USF3: variants seen among roughly 807,000 people sequenced by gnomAD.
USF3 encodes upstream transcription factor family member 3, also known as basic helix-loop-helix domain-containing protein USF3.
In USF3, 29 loss-of-function variants were observed where a neutral mutation model predicts 157.5. The ratio of observed to expected loss-of-function variants is 0.18; its 90% CI spans 0.14 to 0.25. USF3 has a LOEUF of 0.25. Among genes scored for constraint, USF3 ranks in the 10% least tolerant of loss-of-function variants. The probability of loss-of-function intolerance (pLI) is 1.00; values close to 1 mark genes in which losing one functional copy is unlikely to be tolerated. For synonymous variants in USF3, 893 were observed against 941.4 expected, an observed-to-expected ratio of 0.95 and a Z score of 0.94; for missense variants, 2,381 against 2,667.6, an observed-to-expected ratio of 0.89 and a Z score of 2.37.
intron 1 of USF3, among the ~76,000 whole-genome samples, chr3:113,685,195 C>T (rs1707520177): frequency 6.6e-6 from 1 of 152,100 alleles, no homozygotes; most frequent in South Asian, 2.1e-4. Flanking sequence ...CTTATTTTCC[C>T]CCAAGCAAAT....
chr3:113,668,491 T>C (rs140504185), intron 5 of USF3, among the ~76,000 whole-genome samples: 2 of 151,196 alleles, frequency 1.3e-5, no homozygotes, highest in Admixed American at 6.6e-5. Flanking sequence ...AATACTGATA[T>C]GTTTTAGTTC....
chr3:113,654,883 C>T lies in USF3; in HGVS notation c.*61G>A. Reference sequence around the variant, plus strand: ...TTCTCTTCATGTACATGTCTGTGCACATGCACGCACAAATACATTTGTAAT... The same window carrying T: ...TTCTCTTCATGTACATGTCTGTGCATATGCACGCACAAATACATTTGTAAT... On this transcript the variant is annotated 3_prime_UTR_variant, in exon 7 of 7. Transcript: ENST00000316407. 6.6e-7 allele frequency: 1 copy of T among 1,519,182 alleles called. No individual in the cohort carries two copies. The highest frequency in any genetic ancestry group is 1.3e-5 in the South Asian group (1 of 78,278). 94.1% of individuals were successfully genotyped at this position (1,519,182 alleles called of 1,614,324 possible). A position where few individuals can be genotyped will look rare whatever the true frequency, so the allele number is the denominator to read the frequency against.
rs1171309302 is a variant in USF3, at chr3:113,657,981, G to A, written c.3701C>T (p.Pro1234Leu). The change falls in exon 7 of 7, where the codon CCA (proline) becomes CTA (leucine). Residue 1234 changes from proline to leucine, a missense_variant. This residue lies in a region of USF3 where 1,435 missense variants were observed against 1,550.9 expected (regional missense o/e 0.93). Transcript: ENST00000316407. ...ATTCACACTTAAACTGGTGATGCTT[G>A]GTGGCTGAGAAGTTGAATCCTGTAA... ...ASLQDSTSQP[P>L]SITSLSVNNL... is the part of the protein sequence containing the mutation. 19 of 1,614,044 alleles carry A rather than the reference G, an allele frequency of 1.2e-5. No homozygotes were observed. The highest frequency in any genetic ancestry group is 1.4e-5 in the Non-Finnish European group (17 of 1,180,032).
intron 5 of USF3, among the ~76,000 whole-genome samples, chr3:113,665,961 G>T (rs1947558816): frequency 6.6e-6 from 1 of 152,082 alleles, no homozygotes; most frequent in Non-Finnish European, 1.5e-5. Context: ...GAGGTGGGCA[G>T]ATCACCTGAG....
At chr3:113,675,577 T>C (rs974265910) in intron 2 of USF3, among the ~76,000 whole-genome samples, 5 of 152,192 alleles carry the variant, frequency 3.3e-5, no homozygotes, top group Admixed American at 6.5e-5. Context: ...ATATTAATCA[T>C]AGTTAAGTAA....
At position 113,656,214 on chromosome 3, in the gene USF3, A is replaced by T. The variant is rs768979657; in HGVS notation, c.5468T>A (p.Leu1823Ter). 6.2e-7 allele frequency: 1 copy of T among 1,614,190 alleles called. No homozygotes were observed. The highest frequency in any genetic ancestry group is 8.5e-7 in the Non-Finnish European group (1 of 1,180,024). ...NTCHQSFMQSLLAPHLSDQVI... is the reference protein window; with the variant it reads ...NTCHQSFMQS ...CTGATCACTGAGGTGAGGGGCAAGTAAGCTCTGCATGAAACTTTGGTGACA... is the reference window on the plus strand; with the variant it reads ...CTGATCACTGAGGTGAGGGGCAAGTTAGCTCTGCATGAAACTTTGGTGACA... Residue 1823 changes from leucine (L) to a stop codon, truncating the protein, a stop_gained, in exon 7 of 7, where the codon TTA (leucine) becomes TAA (stop). Transcript: ENST00000316407. LOFTEE classifies it high-confidence loss of function.
At chr3:113,683,668 C>T (rs1380107765) in intron 1 of USF3, among the ~76,000 whole-genome samples, 1 of 151,948 alleles carries the variant, frequency 6.6e-6, no homozygotes, top group Admixed American at 6.6e-5. Context: ...GAGGTTTCAC[C>T]ATGTTGGCCA....
chr3:113,658,674 C>T lies in USF3; in HGVS notation c.3008G>A (p.Gly1003Asp). 2.5e-6 allele frequency: 4 copies of T among 1,613,532 alleles called. No homozygotes were observed. In the South Asian group the frequency reaches 3.3e-5, roughly 13 times the overall value. ...MQTTGLLKGQGLTTLLSDLAK... is the reference protein window; with the variant it reads ...MQTTGLLKGQDLTTLLSDLAK... ...AAGATCAGATAGCAATGTAGTTAAA[C>T]CTTGCCCCTTTAAGAGACCTGTGGT... The change falls in exon 7 of 7, where the codon GGT becomes GAT. Residue 1003 changes from glycine to aspartate, a missense_variant. Gly to Asp is a moderately conservative substitution (Grantham distance 94). This residue lies in a region of USF3 where 1,435 missense variants were observed against 1,550.9 expected (regional missense o/e 0.93). Transcript: ENST00000316407.
At chr3:113,683,781 T>C (rs1031758487) in intron 1 of USF3, among the ~76,000 whole-genome samples, 1 of 152,236 alleles carries the variant, frequency 6.6e-6, no homozygotes, top group Non-Finnish European at 1.5e-5. Flanking sequence ...CCCTGCTTTT[T>C]AACCTTCTGA....
chr3:113,695,458 C>T (rs907572143), intron 1 of USF3, among the ~76,000 whole-genome samples: 1 of 152,252 alleles, frequency 6.6e-6, no homozygotes, highest in African/African-American at 2.4e-5. Context: ...TGTAACTCAC[C>T]GTAAGATTTA....
chr3:113,668,887 A>G lies in USF3; in HGVS notation c.159+1234T>C, dbSNP rs138215595. 1.7e-3 allele frequency among the ~76,000 whole-genome samples: 255 copies of G among 152,304 alleles called. 1 individual carries two copies. The highest frequency in any genetic ancestry group is 5.7e-3 in the African/African-American group (236 of 41,582). Reference sequence around the variant, plus strand: ...GGAAGAGGTCAACTGGTTGAGAATGAAAAAGGAGAACAGAGTGTTCCAGAA... The same window carrying G: ...GGAAGAGGTCAACTGGTTGAGAATGGAAAAGGAGAACAGAGTGTTCCAGAA... On this transcript the variant is annotated intron_variant, in intron 5 of 6. Transcript: ENST00000316407.
chr3:113,673,174 A>G (rs1707200517), intron 4 of USF3, among the ~76,000 whole-genome samples, 174 bp downstream of exon 4: 1 of 152,232 alleles, frequency 6.6e-6, no homozygotes, highest in Non-Finnish European at 1.5e-5. Context: ...TAAGCAAGCC[A>G]TCTTCATGAG....
At chr3:113,682,017 C>T (rs1450530508) in intron 1 of USF3, among the ~76,000 whole-genome samples, 2 of 152,146 alleles carry the variant, frequency 1.3e-5, no homozygotes, top group East Asian at 3.8e-4. Context: ...CCAGGGAAAC[C>T]CGGCTAAAAA....
intron 6 of USF3, among the ~76,000 whole-genome samples, chr3:113,662,701 C>A (rs1319652464): frequency 6.6e-6 from 1 of 152,110 alleles, no homozygotes; most frequent in African/African-American, 2.4e-5. Flanking sequence ...ACATTTCATT[C>A]CTTGTTTCAT....
chr3:113,672,478 T>A (rs2107940824), intron 4 of USF3, among the ~76,000 whole-genome samples: 1 of 152,132 alleles, frequency 6.6e-6, no homozygotes, highest in Non-Finnish European at 1.5e-5. Flanking sequence ...TCAAAAAGAT[T>A]AGCTCTTATG....
chr3:113,657,227 CCT>C lies in USF3; in HGVS notation c.4453_4454del (p.Arg1485AlafsTer23). 1 of 1,613,482 alleles carries C rather than the reference CCT, an allele frequency of 6.2e-7. No individual in the cohort carries two copies. The highest frequency in any genetic ancestry group is 8.5e-7 in the Non-Finnish European group (1 of 1,179,940). ...GATGCTGCATTTGATATAAGTGATG[CCT>C]CTCTCTTAACTGCCCTGCTTGTTGT... is the stretch of plus-strand genomic sequence containing the variant. Reference protein sequence around the residue: ...QQQQAGQLRERHHLYQMQHHV... With the variant: ...QQQQAGQLREXHHLYQMQHHV... On this transcript the variant is annotated frameshift_variant, in exon 7 of 7. Transcript: ENST00000316407. LOFTEE classifies it high-confidence loss of function.
At position 113,654,738 on chromosome 3, in the gene USF3, C is replaced by A; in HGVS notation, c.*206G>T. On this transcript the variant is annotated 3_prime_UTR_variant, in exon 7 of 7. Transcript: ENST00000316407. ...CTACTTGGAAAATAAAAAAGTACACCATGCAGTTGAAAACGAAAGATAACT... is the reference window on the plus strand; with the variant it reads ...CTACTTGGAAAATAAAAAAGTACACAATGCAGTTGAAAACGAAAGATAACT... 1.2e-5 allele frequency: 6 copies of A among 521,548 alleles called. No individual in the cohort carries two copies. Among genetic ancestry groups the A allele is most frequent in the South Asian group, 3.6e-5 (1 of 28,166 alleles). 32.3% of individuals were successfully genotyped at this position (521,548 alleles called of 1,614,324 possible).
rs372920109 is a variant in USF3 at position 113,675,918 on chromosome 3, G to T, written c.-18-1022C>A. 1.5e-3 allele frequency among the ~76,000 whole-genome samples: 231 copies of T among 152,230 alleles called. 9 individuals carry two copies. The South Asian group carries it at 0.045, about 29-fold the overall frequency. On this transcript the variant is annotated intron_variant, in intron 2 of 6. Coordinates refer to ENST00000316407, the MANE Select transcript of USF3 (RefSeq NM_001009899.4). ...CCACAGCTCTAGGGCAGGGCAAAAT[G>T]CTTCCAGTCTCTTCACTAAAGCATA...
rs1313445515 is a variant in USF3, at chr3:113,660,063, C to A, written c.1619G>T (p.Gly540Val). Residue 540 changes from glycine (G) to valine (V), a missense_variant, in exon 7 of 7, where the codon GGG (glycine) becomes GTG (valine). By Grantham distance (109) the Gly-to-Val change is moderately radical. This residue lies in a region of USF3 where 1,435 missense variants were observed against 1,550.9 expected (regional missense o/e 0.93). Coordinates refer to ENST00000316407, the MANE Select transcript of USF3 (RefSeq NM_001009899.4). Reference sequence around the variant, plus strand: ...AGTTGGAGCTGAATTAACAGCTGACCCAACTGGCTGAGCCATCTGAATCAC... The same window carrying A: ...AGTTGGAGCTGAATTAACAGCTGACACAACTGGCTGAGCCATCTGAATCAC... ...MQVIQMAQPV[G>V]SAVNSAPTNQ... is the part of the protein sequence containing the mutation. The A allele has an allele frequency of 6.2e-7, 1 of 1,613,980 alleles. No homozygotes were observed. Among genetic ancestry groups the A allele is most frequent in the Non-Finnish European group, 8.5e-7 (1 of 1,180,016 alleles).
Sources: allele counts gnomAD v4.1 joint callset (sites outside exome capture counted in the v4.1 genomes callset), GRCh38; gene constraint gnomAD v4.1.1; regional missense constraint gnomAD v4.1.1; transcripts MANE v1.5; gene names NCBI Gene and HGNC (gene_info 2026-07-23, HGNC 2026-07-21).